Variants in STPG2 observed in about 807,000 individuals in gnomAD.
The protein encoded by STPG2 is sperm tail PG-rich repeat containing 2.
A neutral mutation model predicts 54.2 loss-of-function variants in STPG2; 56 were observed. The ratio of observed to expected loss-of-function variants is 1.03; its 90% CI spans 0.83 to 1.29. STPG2 has a LOEUF of 1.29. STPG2 is among the 50% of genes most tolerant of loss of function. STPG2 has a pLI of 0.00. For missense variants in STPG2, 596 were observed against 544.9 expected, an observed-to-expected ratio of 1.09 and a Z score of -0.93; for synonymous variants, 200 against 181.8, an observed-to-expected ratio of 1.10 and a Z score of -0.81.
downstream of STPG2, among the ~76,000 whole-genome samples, chr4:97,557,529 T>C (rs1415021682): frequency 1.2e-4 from 19 of 152,260 alleles, no homozygotes; most frequent in African/African-American, 4.6e-4. Context: ...ACTGCAAACA[T>C]GGCAGGGTCA....
At chr4:97,599,749 C>T (rs574685297) in intron 10 of STPG2, among the ~76,000 whole-genome samples, 16 of 147,556 alleles carry the variant, frequency 1.1e-4, no homozygotes, top group Non-Finnish European at 1.9e-4. Context: ...GCGTGAACCT[C>T]GGAGGTGGAG....
chr4:97,581,944 C>T lies in STPG2; in HGVS notation c.1321-22827G>A, dbSNP rs139576870. ...GTAGCTCTAGGAATCTTTCCAGTGT[C>T]CACAATGGGAAAAAAATTATTCCAC... On this transcript the variant is annotated intron_variant, in intron 10 of 10. Coordinates refer to ENST00000295268, the MANE Select transcript of STPG2 (RefSeq NM_174952.3). Among the ~76,000 whole-genome samples the T allele has an allele frequency of 7.2e-5, 11 of 151,842 alleles. No individual in the cohort carries two copies. In the East Asian group the frequency reaches 2.1e-3, roughly 29 times the overall value.
chr4:97,900,712 A>G (rs1731143638), intron 8 of STPG2, among the ~76,000 whole-genome samples: 2 of 152,098 alleles, frequency 1.3e-5, no homozygotes, highest in Non-Finnish European at 2.9e-5. Flanking sequence ...TTTAAGTGGG[A>G]GCTAAATGAT....
intron 8 of STPG2, among the ~76,000 whole-genome samples, chr4:97,939,936 T>C (rs779984731): frequency 2.0e-5 from 3 of 152,182 alleles, no homozygotes; most frequent in Admixed American, 6.6e-5. Flanking sequence ...TATTAGCTGG[T>C]AGTGGTGTTT....
chr4:98,119,057 A>C (rs1739598632), intron 3 of STPG2, among the ~76,000 whole-genome samples: 2 of 152,208 alleles, frequency 1.3e-5, no homozygotes, highest in Non-Finnish European at 2.9e-5. Context: ...CTGGTTCAGG[A>C]ATCATCAATA....
intron 9 of STPG2, among the ~76,000 whole-genome samples, chr4:97,827,324 A>C (rs1301991456): frequency 6.8e-6 from 1 of 146,718 alleles, no homozygotes; most frequent in Non-Finnish European, 1.5e-5. Context: ...CAAGCTCCTC[A>C]TCCCGGGTTC....
intron 2 of STPG2, among the ~76,000 whole-genome samples, chr4:98,132,081 CTTATA>C: frequency 6.6e-6 from 1 of 152,068 alleles, no homozygotes; most frequent in Admixed American, 6.5e-5. Context: ...ATATTTTTAA[CTTATA>C]TTATTTATAT....
At chr4:98,112,352 G>C (rs756778157) in intron 3 of STPG2, among the ~76,000 whole-genome samples, 3 of 152,002 alleles carry the variant, frequency 2.0e-5, no homozygotes, top group Non-Finnish European at 2.9e-5. Flanking sequence ...TTGAACCACA[G>C]AAACAATGGG....
intron 5 of STPG2, among the ~76,000 whole-genome samples, chr4:98,015,302 T>C (rs571289548): frequency 1.1e-4 from 16 of 152,202 alleles, no homozygotes; most frequent in African/African-American, 3.9e-4. Flanking sequence ...TTTTGCAATA[T>C]ATCCATCTGA....
chr4:97,765,652 A>C (rs1158592436), intron 9 of STPG2, among the ~76,000 whole-genome samples: 1 of 152,154 alleles, frequency 6.6e-6, no homozygotes, highest in African/African-American at 2.4e-5. Flanking sequence ...AATGAGAATA[A>C]ATATTGTTGT....
intron 10 of STPG2, among the ~76,000 whole-genome samples, chr4:97,703,419 A>G (rs1706803601): frequency 7.0e-6 from 1 of 143,808 alleles, no homozygotes; most frequent in Non-Finnish European, 1.5e-5. Context: ...TTATATATAT[A>G]TACTATATAT....
intron 9 of STPG2, among the ~76,000 whole-genome samples, chr4:97,772,246 G>T (rs187472611): frequency 1.3e-5 from 2 of 152,266 alleles, no homozygotes; most frequent in Admixed American, 1.3e-4. Context: ...CTACTCTCAG[G>T]TAAGCATTCT....
In STPG2 at chr4:97,867,102, T is replaced by G. The variant is rs535580467; in HGVS notation, c.1045-26170A>C. ...TCCTGAAAGTGCAGCCTAGAATCTG[T>G]TTATTGATCCATTTAGTACTGACAC... On this transcript the variant is annotated intron_variant, in intron 8 of 10. Transcript: ENST00000295268. Among the ~76,000 whole-genome samples the G allele has an allele frequency of 5.9e-5, 9 of 152,086 alleles. No homozygotes were observed. In the South Asian group the frequency reaches 1.9e-3, roughly 32 times the overall value.
At chr4:97,442,967 A>G (rs978396754) in intron 4 of STPG2, among the ~76,000 whole-genome samples, 1 of 152,144 alleles carries the variant, frequency 6.6e-6, no homozygotes, top group African/African-American at 2.4e-5. Context: ...TCATAAATTG[A>G]GAGTTGAAAG....
intron 4 of STPG2, among the ~76,000 whole-genome samples, chr4:97,493,027 C>T (rs758656462): frequency 1.3e-5 from 2 of 149,900 alleles, no homozygotes; most frequent in Non-Finnish European, 3.0e-5. Flanking sequence ...TGATCCCAGG[C>T]CTTAAGAAGG....
At chr4:98,015,802 C>A (rs1016403493) in intron 5 of STPG2, among the ~76,000 whole-genome samples, 1 of 152,082 alleles carries the variant, frequency 6.6e-6, no homozygotes, top group Admixed American at 6.6e-5. Context: ...GACTTGGAAC[C>A]AACCCAAATG....
At chr4:97,843,097 G>T (rs1027008320) in intron 8 of STPG2, among the ~76,000 whole-genome samples, 1 of 151,674 alleles carries the variant, frequency 6.6e-6, no homozygotes, top group Non-Finnish European at 1.5e-5. Context: ...ATTTGTTGGC[G>T]ATTCTTTATA....
At chr4:97,585,519 T>A (rs1732975508) in intron 10 of STPG2, among the ~76,000 whole-genome samples, 1 of 151,930 alleles carries the variant, frequency 6.6e-6, no homozygotes, top group Non-Finnish European at 1.5e-5. Context: ...AAAAAACTAA[T>A]GTGGCCAAAG....
At chr4:97,837,912 TG>T (rs1199198743) in intron 9 of STPG2, among the ~76,000 whole-genome samples, 3 of 151,570 alleles carry the variant, frequency 2.0e-5, no homozygotes, top group Non-Finnish European at 4.4e-5. Context: ...TACCTACAAA[TG>T]TAAGATATCC....
Sources: allele counts gnomAD v4.1 joint callset (sites outside exome capture counted in the v4.1 genomes callset), GRCh38; gene constraint gnomAD v4.1.1; transcripts MANE v1.5; gene names NCBI Gene and HGNC (gene_info 2026-07-23, HGNC 2026-07-21).